The following PRR5L variants were observed in gnomAD, a reference collection of about 807,000 sequenced individuals.
The protein encoded by PRR5L is proline rich 5 like.
Under a neutral mutation model 36.4 loss-of-function variants are expected in PRR5L, and 21 were observed. The observed-to-expected ratio is 0.58, with a 90% CI of 0.41 to 0.83. The LOEUF (loss-of-function observed/expected upper bound fraction) is 0.83, where lower values mean the gene tolerates loss of function less well. Among genes scored for constraint, PRR5L ranks in the 40% least tolerant of loss-of-function variants. PRR5L has a pLI of 0.00. For missense variants in PRR5L, 381 were observed against 473.3 expected, an observed-to-expected ratio of 0.80 and a Z score of 1.81; for synonymous variants, 188 against 197.0, an observed-to-expected ratio of 0.95 and a Z score of 0.38.
At chr11:36,426,435 A>G (rs778501722) in intron 4 of PRR5L, among the ~76,000 whole-genome samples, 1 of 152,234 alleles carries the variant, frequency 6.6e-6, no homozygotes, top group African/African-American at 2.4e-5. Flanking sequence ...GAACTACTTC[A>G]TATGGTTGAT....
chr11:36,353,760 G>A (rs1389315225), intron 1 of PRR5L, among the ~76,000 whole-genome samples: 1 of 152,170 alleles, frequency 6.6e-6, no homozygotes, highest in Admixed American at 6.5e-5. Flanking sequence ...TCTGACAGGA[G>A]GTGGAGCTCA....
intron 6 of PRR5L, among the ~76,000 whole-genome samples, chr11:36,443,979 A>G (rs1005417176): frequency 6.6e-6 from 1 of 152,224 alleles, no homozygotes; most frequent in Non-Finnish European, 1.5e-5. Flanking sequence ...GCAACATGGC[A>G]GTATTTTTTT....
chr11:36,372,220 C>G (rs1257073427), intron 1 of PRR5L, among the ~76,000 whole-genome samples: 1 of 152,052 alleles, frequency 6.6e-6, no homozygotes, highest in Non-Finnish European at 1.5e-5. Flanking sequence ...TAACTTCAAA[C>G]AAGTCACCTA....
At chr11:36,309,843 A>G (rs574033648) in intron 1 of PRR5L, among the ~76,000 whole-genome samples, 1 of 151,432 alleles carries the variant, frequency 6.6e-6, no homozygotes, top group South Asian at 2.1e-4. Flanking sequence ...CCATAATGAC[A>G]ACACAGTCAC....
chr11:36,336,396 A>G (rs879370006), intron 1 of PRR5L, among the ~76,000 whole-genome samples: 1 of 151,832 alleles, frequency 6.6e-6, no homozygotes, highest in African/African-American at 2.4e-5. Context: ...CACCCGGCTA[A>G]TTTTTGCATT....
intron 3 of PRR5L, among the ~76,000 whole-genome samples, chr11:36,408,003 G>A (rs915602596): frequency 2.6e-5 from 4 of 152,158 alleles, no homozygotes; most frequent in African/African-American, 4.8e-5. Context: ...GGCCAGGTGC[G>A]GTGGCTCACC....
chr11:36,334,824 T>C (rs779565065), intron 1 of PRR5L, among the ~76,000 whole-genome samples: 1 of 152,210 alleles, frequency 6.6e-6, no homozygotes, highest in Admixed American at 6.5e-5. Context: ...AATAAACTTT[T>C]GTTGAGTGAT....
intron 6 of PRR5L, among the ~76,000 whole-genome samples, chr11:36,444,264 G>C (rs1028524260): frequency 2.0e-5 from 3 of 152,162 alleles, no homozygotes; most frequent in Non-Finnish European, 4.4e-5. Flanking sequence ...ACAAAAGCAA[G>C]CTGCAGAACA....
At chr11:36,389,130 A>G (rs1254298979) in intron 1 of PRR5L, among the ~76,000 whole-genome samples, 1 of 151,996 alleles carries the variant, frequency 6.6e-6, no homozygotes, top group Non-Finnish European at 1.5e-5. Flanking sequence ...TGCAGTAAAA[A>G]CCCATGTTAC....
chr11:36,345,525 T>TAAAA (rs1403813571), intron 1 of PRR5L, among the ~76,000 whole-genome samples: 1 of 152,050 alleles, frequency 6.6e-6, no homozygotes, highest in Non-Finnish European at 1.5e-5. Flanking sequence ...AAAACAGACA[T>TAAAA]AGTTTTTGGT....
intron 3 of PRR5L, among the ~76,000 whole-genome samples, chr11:36,412,516 G>A (rs1858047654): frequency 6.6e-6 from 1 of 152,176 alleles, no homozygotes; most frequent in African/African-American, 2.4e-5. Flanking sequence ...CAGATTCTAG[G>A]CCTGAGCCTC....
At chr11:36,462,164 A>G (rs1331938531) in intron 8 of PRR5L, among the ~76,000 whole-genome samples, 178 bp from the exon 9 acceptor site, 3 of 152,166 alleles carry the variant, frequency 2.0e-5, no homozygotes, top group African/African-American at 7.2e-5. Flanking sequence ...AAACAGGTAA[A>G]GTTGCAAGAG....
At chr11:36,394,506 T>A (rs10768208) in intron 1 of PRR5L, 37,638 of 152,122 alleles carry the variant, frequency 0.25, 6,460 homozygotes, top group African/African-American at 0.49. Context: ...CAACAGAAAT[T>A]TATTCTTTCA....
At chr11:36,422,890 C>G (rs958587422) in intron 4 of PRR5L, among the ~76,000 whole-genome samples, 4 of 152,060 alleles carry the variant, frequency 2.6e-5, no homozygotes, top group African/African-American at 9.7e-5. Context: ...ATACTAGTAA[C>G]AGCTCTGAGG....
At chr11:36,363,506 C>T (rs1016313200) in intron 1 of PRR5L, among the ~76,000 whole-genome samples, 1 of 152,172 alleles carries the variant, frequency 6.6e-6, no homozygotes, top group Non-Finnish European at 1.5e-5. Context: ...CTCTTTTGCC[C>T]CTTCTGATAA....
chr11:36,462,271 G>C, intron 8 of PRR5L, 71 bp from the exon 9 acceptor site: 1 of 1,419,162 alleles, frequency 7.0e-7, no homozygotes, highest in Non-Finnish European at 9.3e-7. Flanking sequence ...TTTTCCCCCA[G>C]TTGGATTAGG....
At chr11:36,307,080 C>T (rs11606433) in intron 1 of PRR5L, among the ~76,000 whole-genome samples, 37,756 of 151,960 alleles carry the variant, frequency 0.25, 5,663 homozygotes, top group Non-Finnish European at 0.33. Context: ...GGCCAGGGGG[C>T]GACAAATCTA....
At chr11:36,327,343 G>A (rs1856674811) in intron 1 of PRR5L, among the ~76,000 whole-genome samples, 1 of 152,070 alleles carries the variant, frequency 6.6e-6, no homozygotes, top group Non-Finnish European at 1.5e-5. Context: ...GGAATTTCAG[G>A]CACAACCAAT....
At chr11:36,366,117 T>TA in intron 1 of PRR5L, among the ~76,000 whole-genome samples, 1 of 152,332 alleles carries the variant, frequency 6.6e-6, no homozygotes, top group Non-Finnish European at 1.5e-5. Context: ...CTGAAGAACT[T>TA]ACACTGGGAA....
Sources: gnomAD v4.1 joint callset for allele counts (sites outside exome capture counted in the v4.1 genomes callset) on GRCh38, gnomAD v4.1.1 for gene constraint, MANE v1.5 for transcripts, NCBI Gene and HGNC (gene_info 2026-07-23, HGNC 2026-07-21) for gene names.